Variants in FBN1 observed in about 807,000 individuals in gnomAD.
FBN1 encodes the protein fibrillin 1.
In FBN1, 29 loss-of-function variants were observed where a neutral mutation model predicts 365.1. The observed-to-expected ratio is 0.08, with a 90% CI of 0.06 to 0.11. FBN1 has a LOEUF of 0.11. Among genes scored for constraint, FBN1 ranks in the 10% least tolerant of loss-of-function variants. The probability of loss-of-function intolerance (pLI) is 1.00; values close to 1 mark genes in which losing one functional copy is unlikely to be tolerated. For synonymous variants in FBN1, 1,210 were observed against 1,270.5 expected, an observed-to-expected ratio of 0.95 and a Z score of 1.01; for missense variants, 2,476 against 3,703.2, an observed-to-expected ratio of 0.67 and a Z score of 8.60.
At chr15:48,461,622 G>T (rs1172469830) in intron 42 of FBN1, among the ~76,000 whole-genome samples, 3 of 152,098 alleles carry the variant, frequency 2.0e-5, no homozygotes, top group Admixed American at 2.0e-4. Flanking sequence ...ATAAGCTTCA[G>T]ATTTTTTACC....
intron 10 of FBN1, among the ~76,000 whole-genome samples, chr15:48,517,745 T>C (rs1287044641): frequency 6.6e-6 from 1 of 152,230 alleles, no homozygotes; most frequent in African/African-American, 2.4e-5. Context: ...ATTTTTTTCC[T>C]CTTTTGCTAG....
intron 6 of FBN1, among the ~76,000 whole-genome samples, chr15:48,549,822 G>A (rs1372064612): frequency 3.3e-5 from 5 of 149,744 alleles, no homozygotes; most frequent in Non-Finnish European, 5.9e-5. Context: ...CTCCTAGTTA[G>A]TGACACAAGC....
chr15:48,637,665 T>A (rs1313016969), intron 2 of FBN1, among the ~76,000 whole-genome samples: 3 of 152,188 alleles, frequency 2.0e-5, no homozygotes, highest in Admixed American at 2.0e-4. Flanking sequence ...GTTAATCAGC[T>A]CATCAAAATT....
intron 8 of FBN1, among the ~76,000 whole-genome samples, chr15:48,530,883 G>A (rs898427366): frequency 5.9e-5 from 9 of 152,182 alleles, no homozygotes; most frequent in Non-Finnish European, 1.0e-4. Flanking sequence ...CTGGGCTGGC[G>A]ATAATCTAAA....
chr15:48,425,700 T>C, intron 59 of FBN1, 39 bp downstream of exon 59: 1 of 1,606,442 alleles, frequency 6.2e-7, no homozygotes, highest in Non-Finnish European at 8.5e-7. Flanking sequence ...TAATCTAAAA[T>C]TTCCACTTGA....
At chr15:48,501,458 C>T (rs1234164668) in intron 17 of FBN1, among the ~76,000 whole-genome samples, 1 of 152,206 alleles carries the variant, frequency 6.6e-6, no homozygotes, top group Admixed American at 6.5e-5. Context: ...ACTTCCCAGG[C>T]TCCAGAACTG....
chr15:48,594,817 T>A (rs1050790585), intron 6 of FBN1, among the ~76,000 whole-genome samples: 1 of 152,230 alleles, frequency 6.6e-6, no homozygotes. Flanking sequence ...CCCAGCATTA[T>A]CATCTGAGAA....
chr15:48,633,004 TC>T (rs1345533305), intron 2 of FBN1, among the ~76,000 whole-genome samples: 3 of 152,192 alleles, frequency 2.0e-5, no homozygotes, highest in Non-Finnish European at 4.4e-5. Flanking sequence ...AGGCTGCACA[TC>T]AAGTCCTTCA....
chr15:48,524,007 T>C (rs1408045740), intron 9 of FBN1, among the ~76,000 whole-genome samples: 1 of 152,220 alleles, frequency 6.6e-6, no homozygotes, highest in Non-Finnish European at 1.5e-5. Flanking sequence ...GCAGGTCGTC[T>C]AGCCTGTCAA....
At chr15:48,449,940 G>A (rs112345859) in intron 45 of FBN1, among the ~76,000 whole-genome samples, 2,907 of 152,176 alleles carry the variant, frequency 0.019, 81 homozygotes, top group African/African-American at 0.059. Flanking sequence ...TCATGTGTCC[G>A]GGATGCCACT....
intron 6 of FBN1, among the ~76,000 whole-genome samples, chr15:48,554,454 T>A (rs942306517): frequency 5.3e-5 from 8 of 152,220 alleles, no homozygotes; most frequent in African/African-American, 1.9e-4. Context: ...TATCCCAATT[T>A]TGTTTTTGTA....
chr15:48,566,407 A>T (rs148927513), intron 6 of FBN1, among the ~76,000 whole-genome samples: 208 of 152,310 alleles, frequency 1.4e-3, no homozygotes, highest in African/African-American at 4.5e-3. Context: ...CACTTTAAGC[A>T]AGCCAGTTAT....
At chr15:48,603,314 A>G (rs918853218) in intron 4 of FBN1, among the ~76,000 whole-genome samples, 4 of 152,218 alleles carry the variant, frequency 2.6e-5, no homozygotes, top group Non-Finnish European at 5.9e-5. Context: ...AGGCAGGCTC[A>G]GCACAGGTAA....
chr15:48,504,878 A>T, intron 16 of FBN1, 147 bp downstream of exon 16: 1 of 1,064,024 alleles, frequency 9.4e-7, no homozygotes, highest in South Asian at 1.3e-5. Flanking sequence ...AATTTACACA[A>T]AAAGAGAACT....
In FBN1 at chr15:48,432,978, T is replaced by C; in HGVS notation, c.6627A>G (p.Glu2209=). 6.2e-7 allele frequency: 1 copy of C among 1,613,462 alleles called. No individual in the cohort carries two copies. Among genetic ancestry groups the C allele is most frequent in the Non-Finnish European group, 8.5e-7 (1 of 1,179,552 alleles). The change falls in exon 55 of 66, where the codon GAA becomes GAG. Residue 2209 remains glutamate, a synonymous_variant. Coordinates refer to ENST00000316623, the MANE Select transcript of FBN1 (RefSeq NM_000138.5). ...CACAGAGCAGAGGATTCTGGGCACA[T>C]TCATTTATATCTGCAGCAGAGGAGA... is the stretch of plus-strand genomic sequence containing the variant. ...GPMMTCEDIN[E]CAQNPLLCAF... is the part of the protein sequence containing the mutation.
chr15:48,638,128 G>A (rs748513943), intron 2 of FBN1, among the ~76,000 whole-genome samples: 1 of 151,478 alleles, frequency 6.6e-6, no homozygotes, highest in African/African-American at 2.4e-5. Context: ...TCAACCCTCT[G>A]GGCTCAAGTG....
intron 2 of FBN1, among the ~76,000 whole-genome samples, chr15:48,627,660 T>G (rs1252844467): frequency 6.6e-6 from 1 of 152,180 alleles, no homozygotes; most frequent in Non-Finnish European, 1.5e-5. Context: ...CAATTTCACG[T>G]CTCTGTGACT....
intron 63 of FBN1, among the ~76,000 whole-genome samples, chr15:48,417,874 C>T (rs1444958752): frequency 1.3e-5 from 2 of 152,216 alleles, no homozygotes; most frequent in Non-Finnish European, 2.9e-5. Context: ...ATCCTCTCCA[C>T]TTGCTCTTGG....
In FBN1 at chr15:48,411,242, C is replaced by T. The variant is rs112945086; in HGVS notation, c.8364G>A (p.Thr2788=). 36 of 1,614,052 alleles carry T rather than the reference C, an allele frequency of 2.2e-5. No individual in the cohort carries two copies. Among genetic ancestry groups the T allele is most frequent in the Admixed American group, 1.5e-4 (9 of 60,012 alleles). ...LELLPALTTL[T]NHNRYLIESG... ...ATTCGATCAAGTATCTGTTGTGATT[C>T]GTCAGAGTTGTAAGAGCTGGAAGGA... The change falls in exon 66 of 66, where the codon ACG becomes ACA. Residue 2788 remains threonine, a synonymous_variant. Transcript: ENST00000316623.
Sources: allele counts gnomAD v4.1 joint callset (sites outside exome capture counted in the v4.1 genomes callset), GRCh38; gene constraint gnomAD v4.1.1; transcripts MANE v1.5; gene names NCBI Gene and HGNC (gene_info 2026-07-23, HGNC 2026-07-21).